The following FANCM variants were observed in gnomAD, a reference collection of about 807,000 sequenced individuals.
FANCM encodes the protein Fanconi anemia group M protein.
Under a neutral mutation model 199.5 loss-of-function variants are expected in FANCM, and 140 were observed. The observed-to-expected ratio is 0.70, with a 90% CI of 0.61 to 0.81. FANCM has a LOEUF of 0.81. Ranked by LOEUF, FANCM falls within the 30% of genes least tolerant of loss-of-function variation. FANCM has a pLI of 0.00. For missense variants in FANCM, 2,410 were observed against 2,421.4 expected (o/e 1.00, Z 0.10); for synonymous variants, 840 against 836.8 (o/e 1.00, Z -0.07).
chr14:45,192,850 A>G (rs554215692), intron 20 of FANCM, among the ~76,000 whole-genome samples: 1 of 152,076 alleles, frequency 6.6e-6, no homozygotes, highest in Non-Finnish European at 1.5e-5. Flanking sequence ...TTAAAAAAAA[A>G]TTTCAGCTAA....
At chr14:45,139,390 T>C (rs1390992614) in intron 2 of FANCM, among the ~76,000 whole-genome samples, 4 of 152,334 alleles carry the variant, frequency 2.6e-5, no homozygotes, top group Middle Eastern at 3.4e-3. Context: ...TTTTGGATAA[T>C]CTGGTTTTAT....
At chr14:45,138,477 A>C (rs1361098371) in intron 2 of FANCM, among the ~76,000 whole-genome samples, 1 of 152,164 alleles carries the variant, frequency 6.6e-6, no homozygotes, top group African/African-American at 2.4e-5. Flanking sequence ...ACTTATTGAT[A>C]TCATTCCAAA....
At position 45,176,023 on chromosome 14, in the gene FANCM, A is replaced by C; in HGVS notation, c.3269A>C (p.Gln1090Pro). The change falls in exon 14 of 23, where the codon CAA becomes CCA. Residue 1090 changes from glutamine to proline, a missense_variant. Physicochemically the swap from Gln to Pro is moderately conservative, Grantham distance 76 (BLOSUM62 -1). Coordinates refer to ENST00000267430, the MANE Select transcript of FANCM (RefSeq NM_020937.4). ...LCDCDVHKHN[Q>P]NENLVPNNRV... Reference sequence around the variant, plus strand: ...GACTGTGATGTACATAAACATAATCAAAATGAAAATTTAGTACCTAACAAT... The same window carrying C: ...GACTGTGATGTACATAAACATAATCCAAATGAAAATTTAGTACCTAACAAT... The C allele has an allele frequency of 6.2e-7, 1 of 1,613,950 alleles. No homozygotes were observed. Among genetic ancestry groups the C allele is most frequent in the South Asian group, 1.1e-5 (1 of 91,076 alleles).
Position 45,176,149 on chromosome 14 carries a change from A to C in FANCM, c.3395A>C (p.Glu1132Ala). ...DLPVLSTDQDESLLLFEDVNT... is the reference protein window; with the variant it reads ...DLPVLSTDQDASLLLFEDVNT... ...CCAGTATTGTCCACTGATCAAGATG[A>C]AAGTTTGCTGTTATTTGAAGATGTT... The change falls in exon 14 of 23, where the codon GAA becomes GCA. Residue 1132 changes from glutamate to alanine, a missense_variant. By Grantham distance (107) the Glu-to-Ala change is moderately radical. Coordinates refer to ENST00000267430, the MANE Select transcript of FANCM (RefSeq NM_020937.4). The C allele has an allele frequency of 6.2e-7, 1 of 1,614,100 alleles. No homozygotes were observed. Among genetic ancestry groups the C allele is most frequent in the Non-Finnish European group, 8.5e-7 (1 of 1,179,968 alleles).
At chr14:45,144,986 A>G (rs769219185) in intron 3 of FANCM, among the ~76,000 whole-genome samples, 1 of 152,000 alleles carries the variant, frequency 6.6e-6, no homozygotes, top group Non-Finnish European at 1.5e-5. Flanking sequence ...AAGGCCCATG[A>G]CATATTACCT....
rs768195897 is a variant in FANCM, at chr14:45,176,749, T to C, written c.3995T>C (p.Val1332Ala). The change falls in exon 14 of 23, where the codon GTG becomes GCG. Residue 1332 changes from valine (V) to alanine (A), a missense_variant. Transcript: ENST00000267430. Reference protein sequence around the residue: ...SPGYSQFSLPVQKKVMSTPLS... With the variant: ...SPGYSQFSLPAQKKVMSTPLS... ...GGTTATTCTCAGTTTTCTTTACCAG[T>C]GCAAAAAAAAGTTATGAGTACACCA... 2 of 1,610,704 alleles carry C rather than the reference T, an allele frequency of 1.2e-6. No individual in the cohort carries two copies. The highest frequency in any genetic ancestry group is 1.7e-5 in the Admixed American group (1 of 59,330).
At chr14:45,179,723 G>T (rs968705028) in intron 14 of FANCM, among the ~76,000 whole-genome samples, 1 of 151,772 alleles carries the variant, frequency 6.6e-6, no homozygotes, top group Middle Eastern at 3.4e-3. Context: ...CACCACGCCC[G>T]ACTAATTTTT....
At chr14:45,194,673 A>G (rs1173359761) in intron 20 of FANCM, among the ~76,000 whole-genome samples, 5 of 152,140 alleles carry the variant, frequency 3.3e-5, no homozygotes, top group Non-Finnish European at 4.4e-5. Context: ...CTAATCTTTC[A>G]TTCTTATAAT....
At position 45,176,696 on chromosome 14, in the gene FANCM, A is replaced by G; in HGVS notation, c.3942A>G (p.Ala1314=). The G allele has an allele frequency of 6.2e-7, 1 of 1,613,856 alleles. No individual in the cohort carries two copies. The highest frequency in any genetic ancestry group is 8.5e-7 in the Non-Finnish European group (1 of 1,179,858). Reference sequence around the variant, plus strand: ...ATTATGTACATTTGCCACTGAGTGCAGCAAAAAATGAAGAATTGTTATCTC... The same window carrying G: ...ATTATGTACATTTGCCACTGAGTGCGGCAAAAAATGAAGAATTGTTATCTC... ...NPNYVHLPLS[A]AKNEELLSPG... The change falls in exon 14 of 23, where the codon GCA becomes GCG. Residue 1314 remains alanine, a synonymous_variant. Transcript: ENST00000267430.
rs1174364407 is a variant in FANCM at position 45,175,626 on chromosome 14, A to G, written c.2872A>G (p.Asn958Asp). The change falls in exon 14 of 23, where the codon AAC becomes GAC. Residue 958 changes from asparagine to aspartate, a missense_variant. Coordinates refer to ENST00000267430, the MANE Select transcript of FANCM (RefSeq NM_020937.4). The stretch of plus-strand genomic sequence containing the variant: ...CAATGATGAAAAATCTGTTTCATCT[A>G]ACTTATTTCTTCCATTCGAAGAAGA... ...SFNDEKSVSSNLFLPFEEELY... is the reference protein window; with the variant it reads ...SFNDEKSVSSDLFLPFEEELY... The G allele has an allele frequency of 1.9e-6, 3 of 1,613,390 alleles. No individual in the cohort carries two copies. The Admixed American group carries it at 5.0e-5, about 27-fold the overall frequency.
intron 21 of FANCM, among the ~76,000 whole-genome samples, chr14:45,197,935 T>G (rs986391046): frequency 3.3e-5 from 5 of 152,060 alleles, no homozygotes; most frequent in African/African-American, 7.2e-5. Context: ...AGCTAATTTT[T>G]TTTTTATATT....
chr14:45,199,510 T>C (rs565943231), intron 22 of FANCM, among the ~76,000 whole-genome samples: 8 of 152,310 alleles, frequency 5.3e-5, no homozygotes, highest in Admixed American at 3.3e-4. Flanking sequence ...GAAATAGAGC[T>C]AGCTAGCTCT....
Position 45,198,634 on chromosome 14 carries a change from G to C in FANCM, c.5717-10G>C, listed in dbSNP as rs939194173. 1 of 1,589,756 alleles carries C rather than the reference G, an allele frequency of 6.3e-7. No individual in the cohort carries two copies. Among genetic ancestry groups the C allele is most frequent in the Non-Finnish European group, 8.6e-7 (1 of 1,161,790 alleles). Reference sequence around the variant, plus strand: ...CTGAAGTTTGCCTTTCCCTAAATATGAATATTTAGGAGACACATCAAGGAT... The same window carrying C: ...CTGAAGTTTGCCTTTCCCTAAATATCAATATTTAGGAGACACATCAAGGAT... On this transcript the variant is annotated splice_polypyrimidine_tract_variant and intron_variant, in intron 21 of 22. Coordinates refer to ENST00000267430, the MANE Select transcript of FANCM (RefSeq NM_020937.4).
intron 16 of FANCM, 60 bp downstream of exon 16, chr14:45,181,765 A>G: frequency 9.7e-7 from 1 of 1,025,984 alleles, no homozygotes; most frequent in Non-Finnish European, 1.5e-6. Flanking sequence ...AAATTTTGAG[A>G]GAAATATATG....
intron 3 of FANCM, among the ~76,000 whole-genome samples, chr14:45,145,105 AG>A (rs977376152): frequency 6.6e-6 from 1 of 151,896 alleles, no homozygotes; most frequent in African/African-American, 2.4e-5. Flanking sequence ...CTTCTGGCCC[AG>A]GGTACGTCTA....
chr14:45,191,650 G>A (rs941196776), intron 20 of FANCM, among the ~76,000 whole-genome samples: 1 of 152,134 alleles, frequency 6.6e-6, no homozygotes, highest in Non-Finnish European at 1.5e-5. Flanking sequence ...AGTGGAAAAA[G>A]TTTTAAGTTT....
chr14:45,183,652 T>G, intron 16 of FANCM, 122 bp from the exon 17 acceptor site: 1 of 650,132 alleles, frequency 1.5e-6, no homozygotes, highest in Non-Finnish European at 2.7e-6. Context: ...TTTTACATTC[T>G]TAAGTATTTA....
At chr14:45,162,884 G>A (rs1485673730) in intron 9 of FANCM, among the ~76,000 whole-genome samples, 1 of 150,852 alleles carries the variant, frequency 6.6e-6, no homozygotes, top group Non-Finnish European at 1.5e-5. Context: ...TCTTTATCTG[G>A]GCAAAAAGGA....
chr14:45,183,837 T>C lies in FANCM; in HGVS notation c.4450T>C (p.Phe1484Leu). 6.2e-7 allele frequency: 1 copy of C among 1,608,884 alleles called. No individual in the cohort carries two copies. Among genetic ancestry groups the C allele is most frequent in the Non-Finnish European group, 8.5e-7 (1 of 1,175,500 alleles). ...FPKPCSQLED[F>L]KVCNGNARRG... ...CAAACCATGTTCACAATTAGAAGAC[T>C]TCAAGGTTTGTAACGGGAATGCCAG... The change falls in exon 17 of 23, where the codon TTC becomes CTC. Residue 1484 changes from phenylalanine to leucine, a missense_variant. Coordinates refer to ENST00000267430, the MANE Select transcript of FANCM (RefSeq NM_020937.4).
Sources: gnomAD v4.1 joint callset for allele counts (sites outside exome capture counted in the v4.1 genomes callset) on GRCh38, gnomAD v4.1.1 for gene constraint, MANE v1.5 for transcripts, NCBI Gene and HGNC (gene_info 2026-07-23, HGNC 2026-07-21) for gene names.